The following DPY19L2 variants were observed in gnomAD, a reference collection of about 807,000 sequenced individuals.
The protein encoded by DPY19L2 is probable C-mannosyltransferase DPY19L2.
In DPY19L2, 34 loss-of-function variants were observed where a neutral mutation model predicts 97.9. The observed-to-expected ratio is 0.35, with a 90% confidence interval of 0.26 to 0.46. The LOEUF is 0.46. Ranked by LOEUF, DPY19L2 falls within the 20% of genes least tolerant of loss-of-function variation. The pLI is 1.00. For synonymous variants in DPY19L2, 230 were observed against 307.9 expected (o/e 0.75, Z 2.65); for missense variants, 623 against 911.4 (o/e 0.68, Z 4.07).
intron 21 of DPY19L2, among the ~76,000 whole-genome samples, chr12:63,564,635 C>G (rs1469515122): frequency 2.0e-5 from 3 of 152,058 alleles, no homozygotes; most frequent in African/African-American, 7.2e-5. Flanking sequence ...TCAATACTTG[C>G]TTTGTGGCCT....
intron 6 of DPY19L2, among the ~76,000 whole-genome samples, chr12:63,638,555 A>G (rs1406320731): frequency 6.6e-6 from 1 of 152,156 alleles, no homozygotes; most frequent in Non-Finnish European, 1.5e-5. Flanking sequence ...CCATTCCTAT[A>G]CACCACTAAT....
intron 6 of DPY19L2, among the ~76,000 whole-genome samples, chr12:63,642,449 T>G (rs1266441278): frequency 6.6e-6 from 1 of 152,122 alleles, no homozygotes; most frequent in Non-Finnish European, 1.5e-5. Context: ...TTTATAAATT[T>G]GTCTTTCATA....
intron 5 of DPY19L2, among the ~76,000 whole-genome samples, chr12:63,646,382 CAA>C (rs553115047): frequency 6.6e-6 from 1 of 151,932 alleles, no homozygotes; most frequent in Non-Finnish European, 1.5e-5. Context: ...ACATTGTACA[CAA>C]AAAAGTATAA....
At chr12:63,633,050 T>A (rs916029899) in intron 6 of DPY19L2, among the ~76,000 whole-genome samples, 9 of 152,004 alleles carry the variant, frequency 5.9e-5, no homozygotes, top group African/African-American at 1.5e-4. Context: ...CTTACACCTT[T>A]TACAAAAATT....
At chr12:63,569,689 T>C (rs1405843378) in intron 20 of DPY19L2, among the ~76,000 whole-genome samples, 1 of 152,166 alleles carries the variant, frequency 6.6e-6, no homozygotes, top group African/African-American at 2.4e-5. Flanking sequence ...AGACTGAATG[T>C]AGTGAAAAAC....
Position 63,570,863 on chromosome 12 carries a change from A to C in DPY19L2, c.1901-6T>G, listed in dbSNP as rs751058680. 1 of 1,568,044 alleles carries C rather than the reference A, an allele frequency of 6.4e-7. No homozygotes were observed. On this transcript the variant is annotated splice_region_variant and splice_polypyrimidine_tract_variant and intron_variant, in intron 19 of 21. Coordinates refer to ENST00000324472, the MANE Select transcript of DPY19L2 (RefSeq NM_173812.5). The stretch of plus-strand genomic sequence containing the variant: ...GGCACCTGCAAAGACAGCATCTGAA[A>C]AAAAAAAAAGGATATATTCTTCAAT...
intron 6 of DPY19L2, among the ~76,000 whole-genome samples, chr12:63,638,120 T>C (rs1385481905): frequency 6.6e-6 from 1 of 152,124 alleles, no homozygotes; most frequent in East Asian, 1.9e-4. Flanking sequence ...CATGATTATC[T>C]CAATAGATGC....
chr12:63,610,865 AAAAAAAAAAACCACACACACACAC>A (rs1886863414), intron 11 of DPY19L2, among the ~76,000 whole-genome samples: 1 of 104,168 alleles, frequency 9.6e-6, no homozygotes, highest in African/African-American at 3.2e-5. Flanking sequence ...AAAAAAAAAA[AAAAAAAAAAACCACACACACACAC>A]AAATATTTCT....
At chr12:63,593,298 T>C (rs377312399) in intron 16 of DPY19L2, among the ~76,000 whole-genome samples, 6 of 152,108 alleles carry the variant, frequency 3.9e-5, no homozygotes, top group South Asian at 2.1e-4. Flanking sequence ...GGGTATATAC[T>C]CAAAGGACTA....
intron 8 of DPY19L2, among the ~76,000 whole-genome samples, chr12:63,621,564 A>G (rs1328404341): frequency 6.6e-6 from 1 of 152,204 alleles, no homozygotes; most frequent in Non-Finnish European, 1.5e-5. Context: ...GTAATTTACC[A>G]TTAAATATTT....
At chr12:63,646,366 T>G (rs552136974) in intron 5 of DPY19L2, among the ~76,000 whole-genome samples, 30 of 152,234 alleles carry the variant, frequency 2.0e-4, no homozygotes, top group African/African-American at 7.2e-4. Flanking sequence ...TTTTCTCCAA[T>G]CCTTTACATT....
In DPY19L2 at chr12:63,647,341, T is replaced by C; in HGVS notation, c.613A>G (p.Thr205Ala). The C allele has an allele frequency of 6.3e-7, 1 of 1,587,910 alleles. No individual in the cohort carries two copies. Among genetic ancestry groups the C allele is most frequent in the Middle Eastern group, 1.7e-4 (1 of 5,964 alleles). The change falls in exon 5 of 22, where the codon ACA (threonine) becomes GCA (alanine). Residue 205 changes from threonine to alanine, a missense_variant. Thr to Ala is a moderately conservative substitution (Grantham distance 58). Transcript: ENST00000324472. ...PEVIIASWYCTFMGIMNLFGL... is the reference protein window; with the variant it reads ...PEVIIASWYCAFMGIMNLFGL... ...AATAAATTCATTATTCCCATGAATG[T>C]GCAATACCAGGAGGCTATGATTACC...
intron 4 of DPY19L2, among the ~76,000 whole-genome samples, chr12:63,655,405 T>C (rs1894834538): frequency 1.3e-5 from 2 of 152,138 alleles, no homozygotes; most frequent in South Asian, 4.2e-4. Flanking sequence ...ACAAGGAAAT[T>C]TGCATAGTTT....
intron 8 of DPY19L2, among the ~76,000 whole-genome samples, chr12:63,623,595 A>C (rs1889051807): frequency 1.3e-5 from 2 of 152,292 alleles, no homozygotes; most frequent in East Asian, 3.9e-4. Flanking sequence ...TTTACATAGC[A>C]ATTTTGAATT....
intron 16 of DPY19L2, among the ~76,000 whole-genome samples, chr12:63,585,659 A>C (rs905264399): frequency 6.6e-6 from 1 of 152,126 alleles, no homozygotes; most frequent in Non-Finnish European, 1.5e-5. Context: ...AGAACCCTGA[A>C]AGTAACTACT....
At chr12:63,581,787 G>A (rs1455581935) in intron 18 of DPY19L2, among the ~76,000 whole-genome samples, 3 of 135,828 alleles carry the variant, frequency 2.2e-5, no homozygotes, top group Non-Finnish European at 1.6e-5. Context: ...CTGGCCACCA[G>A]GAAACTCTTT....
chr12:63,566,420 C>T (rs1253956361), intron 21 of DPY19L2, among the ~76,000 whole-genome samples: 1 of 151,964 alleles, frequency 6.6e-6, no homozygotes, highest in African/African-American at 2.4e-5. Flanking sequence ...CACAGAGATC[C>T]CTTGTATAGC....
chr12:63,657,227 T>A (rs1895084739), intron 4 of DPY19L2, among the ~76,000 whole-genome samples: 1 of 152,188 alleles, frequency 6.6e-6, no homozygotes, highest in South Asian at 2.1e-4. Flanking sequence ...GATTTGAAGT[T>A]TGTAATTGCT....
chr12:63,570,669 G>T, intron 20 of DPY19L2, 89 bp downstream of exon 20: 1 of 1,058,682 alleles, frequency 9.4e-7, no homozygotes. Context: ...GTGTGTGTGT[G>T]TGTGTGTGTG....
Sources: gnomAD v4.1 joint callset for allele counts (sites outside exome capture counted in the v4.1 genomes callset) on GRCh38, gnomAD v4.1.1 for gene constraint, MANE v1.5 for transcripts, NCBI Gene and HGNC (gene_info 2026-07-23, HGNC 2026-07-21) for gene names.